The following TSPAN2 variants were observed in gnomAD, a reference collection of about 807,000 sequenced individuals.
TSPAN2 encodes tetraspanin-2.
TSPAN2 carries 24 observed loss-of-function variants against 33.3 expected under a neutral mutation model. The ratio of observed to expected loss-of-function variants is 0.72; its 90% CI spans 0.52 to 1.01. TSPAN2 has a LOEUF of 1.01. Ranked by LOEUF, TSPAN2 falls within the 50% of genes least tolerant of loss-of-function variation. TSPAN2 has a pLI of 0.00. For synonymous variants in TSPAN2, 114 were observed against 104.5 expected (o/e 1.09, Z -0.56); for missense variants, 278 against 281.3 (o/e 0.99, Z 0.08).
intron 2 of TSPAN2, among the ~76,000 whole-genome samples, chr1:115,063,892 C>G (rs1244354022): frequency 6.6e-6 from 1 of 152,100 alleles, no homozygotes; most frequent in Non-Finnish European, 1.5e-5. Context: ...ATGATAGATA[C>G]TGGGGACTAC....
At chr1:115,082,626 C>G (rs1400829664) in intron 1 of TSPAN2, among the ~76,000 whole-genome samples, 1 of 152,170 alleles carries the variant, frequency 6.6e-6, no homozygotes, top group Non-Finnish European at 1.5e-5. Context: ...TTTTCCTCTG[C>G]CTGAAACTGA....
chr1:115,070,970 A>G (rs1262183614), intron 2 of TSPAN2, among the ~76,000 whole-genome samples: 1 of 152,160 alleles, frequency 6.6e-6, no homozygotes, highest in East Asian at 1.9e-4. Flanking sequence ...TTATACTGAT[A>G]GGTTATATTT....
In TSPAN2 at chr1:115,081,599, C is replaced by T. The variant is rs72697931; in HGVS notation, c.69+7765G>A. ...GGTTTGAATCAGACTCTGGCACTTACTGGTCCTATAATCTTGGGCAAGCCA... is the reference window on the plus strand; with the variant it reads ...GGTTTGAATCAGACTCTGGCACTTATTGGTCCTATAATCTTGGGCAAGCCA... On this transcript the variant is annotated intron_variant, in intron 1 of 7. Transcript: ENST00000369516. Among the ~76,000 whole-genome samples the T allele has an allele frequency of 6.0e-3, 919 of 152,300 alleles. 2 individuals carry two copies. The highest frequency in any genetic ancestry group is 9.3e-3 in the Non-Finnish European group (634 of 68,028).
intron 2 of TSPAN2, among the ~76,000 whole-genome samples, chr1:115,063,375 C>T (rs1647809030): frequency 6.6e-6 from 1 of 152,136 alleles, no homozygotes; most frequent in Admixed American, 6.5e-5. Flanking sequence ...AATGAGATAC[C>T]ATCTCATACC....
intron 1 of TSPAN2, among the ~76,000 whole-genome samples, chr1:115,079,169 G>A (rs67194972): frequency 0.3 from 34,993 of 117,258 alleles, 4,260 homozygotes; most frequent in South Asian, 0.46. Context: ...ACACACACAC[G>A]CGCATGCTGC....
At chr1:115,063,789 G>T (rs1034376582) in intron 2 of TSPAN2, among the ~76,000 whole-genome samples, 2 of 152,110 alleles carry the variant, frequency 1.3e-5, no homozygotes, top group African/African-American at 4.8e-5. Flanking sequence ...ATTATCCTAA[G>T]CAAACTATCA....
chr1:115,061,965 T>G (rs1647743582), intron 3 of TSPAN2, among the ~76,000 whole-genome samples, 170 bp downstream of exon 3: 1 of 152,096 alleles, frequency 6.6e-6, no homozygotes, highest in South Asian at 2.1e-4. Flanking sequence ...TAGTTAGTAT[T>G]ATTCATATAT....
intron 1 of TSPAN2, among the ~76,000 whole-genome samples, chr1:115,086,472 G>A (rs892470312): frequency 4.6e-5 from 7 of 152,278 alleles, no homozygotes; most frequent in South Asian, 2.1e-4. Context: ...GGTTTAGCTC[G>A]AATAGCTCCT....
chr1:115,058,842 T>C, intron 5 of TSPAN2, 41 bp downstream of exon 5: 1 of 1,492,204 alleles, frequency 6.7e-7, no homozygotes. Context: ...ACACATAATC[T>C]TTAGAAGCTG....
intron 1 of TSPAN2, among the ~76,000 whole-genome samples, chr1:115,077,270 G>C (rs777676730): frequency 6.6e-6 from 1 of 151,314 alleles, no homozygotes; most frequent in Non-Finnish European, 1.5e-5. Flanking sequence ...CAGAGAATGT[G>C]ATAAAATAGT....
chr1:115,073,598 A>G (rs529085302), intron 1 of TSPAN2, among the ~76,000 whole-genome samples: 1 of 151,384 alleles, frequency 6.6e-6, no homozygotes, highest in South Asian at 2.1e-4. Flanking sequence ...ACCATCCTAT[A>G]TGGTCACTGC....
chr1:115,061,175 T>G (rs1048582123), intron 3 of TSPAN2, among the ~76,000 whole-genome samples: 4 of 152,168 alleles, frequency 2.6e-5, no homozygotes, highest in African/African-American at 9.7e-5. Flanking sequence ...AGTCAGACAT[T>G]TCACATAGCA....
chr1:115,065,267 T>A (rs908737878), intron 2 of TSPAN2, among the ~76,000 whole-genome samples: 2 of 152,236 alleles, frequency 1.3e-5, no homozygotes, highest in Non-Finnish European at 2.9e-5. Flanking sequence ...AGGCCACCTG[T>A]GGCTTCCAAG....
intron 2 of TSPAN2, among the ~76,000 whole-genome samples, chr1:115,072,579 A>T (rs928406801): frequency 3.3e-5 from 5 of 152,174 alleles, no homozygotes; most frequent in African/African-American, 1.2e-4. Context: ...AATAAATTTT[A>T]GCTGCATTTC....
At chr1:115,066,157 A>T (rs1647942624) in intron 2 of TSPAN2, among the ~76,000 whole-genome samples, 2 of 152,206 alleles carry the variant, frequency 1.3e-5, no homozygotes, top group African/African-American at 2.4e-5. Context: ...GCTGATGGAC[A>T]CTTAGGTTGA....
At chr1:115,067,418 C>T (rs17033119) in intron 2 of TSPAN2, among the ~76,000 whole-genome samples, 2,937 of 152,284 alleles carry the variant, frequency 0.019, 126 homozygotes, top group African/African-American at 0.068. Context: ...CCTTCAGTTT[C>T]GTTAGCTGCA....
At chr1:115,082,650 C>T (rs1382015140) in intron 1 of TSPAN2, among the ~76,000 whole-genome samples, 1 of 152,168 alleles carries the variant, frequency 6.6e-6, no homozygotes, top group South Asian at 2.1e-4. Context: ...GCAGTGTTCC[C>T]AACCTCTCTC....
intron 2 of TSPAN2, among the ~76,000 whole-genome samples, chr1:115,062,978 C>T (rs577672898): frequency 8.5e-5 from 13 of 152,176 alleles, no homozygotes; most frequent in Non-Finnish European, 1.6e-4. Context: ...GGCCCTGAGG[C>T]CTTGCTGCTC....
In TSPAN2 at chr1:115,053,468, T is replaced by C. The variant is rs752287315; in HGVS notation, c.517-6A>G. The C allele has an allele frequency of 6.2e-7, 1 of 1,613,504 alleles. No homozygotes were observed. The highest frequency in any genetic ancestry group is 1.1e-5 in the South Asian group (1 of 91,034). ...TCAATTTCATCGATGCAATTCTGTT[T>C]TGAGGAAAAAAAGTCGGGAATAAAA... On this transcript the variant is annotated splice_polypyrimidine_tract_variant and splice_region_variant and intron_variant, in intron 6 of 7. Transcript: ENST00000369516.
Sources: gnomAD v4.1 joint callset for allele counts (sites outside exome capture counted in the v4.1 genomes callset) on GRCh38, gnomAD v4.1.1 for gene constraint, MANE v1.5 for transcripts, NCBI Gene and HGNC (gene_info 2026-07-23, HGNC 2026-07-21) for gene names.